DLG2: variants seen among roughly 807,000 people sequenced by gnomAD.
DLG2 encodes discs large MAGUK scaffold protein 2, also known as disks large homolog 2.
DLG2 carries 45 observed loss-of-function variants against 132.5 expected under a neutral mutation model. The observed-to-expected ratio is 0.34, with a 90% CI of 0.27 to 0.44. The LOEUF (loss-of-function observed/expected upper bound fraction) is 0.44. Among genes scored for constraint, DLG2 ranks in the 20% least tolerant of loss-of-function variants. DLG2 has a pLI of 1.00. For synonymous variants in DLG2, 424 were observed against 419.6 expected (o/e 1.01, Z -0.13); for missense variants, 1,045 against 1,196.9 (o/e 0.87, Z 1.87).
At chr11:85,535,071 G>T (rs529353682) in intron 3 of DLG2, among the ~76,000 whole-genome samples, 3 of 152,182 alleles carry the variant, frequency 2.0e-5, no homozygotes, top group African/African-American at 7.2e-5. Flanking sequence ...GTTTTGACTT[G>T]TATTTCTGTG....
chr11:85,307,229 A>G (rs1040448276), intron 3 of DLG2, among the ~76,000 whole-genome samples: 4 of 152,206 alleles, frequency 2.6e-5, no homozygotes, highest in African/African-American at 9.6e-5. Context: ...CACCACCAAA[A>G]ATGGAACGGA....
Position 84,302,622 on chromosome 11 carries a change from G to A in DLG2, c.520-51331C>T, listed in dbSNP as rs149628915. ...ACATTAACTGTAGTTAACTCTAGGT[G>A]GAATTACAGGTGACTTTTAATTTTT... On this transcript the variant is annotated intron_variant, in intron 7 of 27. Coordinates refer to ENST00000376104, the MANE Select transcript of DLG2 (RefSeq NM_001142699.3). Among the ~76,000 whole-genome samples the A allele has an allele frequency of 2.7e-4, 41 of 151,760 alleles. No individual in the cohort carries two copies. The East Asian group carries it at 7.5e-3, about 28-fold the overall frequency.
intron 6 of DLG2, among the ~76,000 whole-genome samples, chr11:84,821,732 C>G (rs1015864607): frequency 6.7e-6 from 1 of 150,306 alleles, no homozygotes; most frequent in Non-Finnish European, 1.5e-5. Context: ...GTAGAAGATT[C>G]TTTGCCACTG....
intron 14 of DLG2, among the ~76,000 whole-genome samples, chr11:83,959,621 A>G (rs1182091329): frequency 6.8e-6 from 1 of 147,934 alleles, no homozygotes; most frequent in Non-Finnish European, 1.5e-5. Flanking sequence ...AAATTAGAAG[A>G]TCCTTTATAG....
chr11:84,840,171 G>A (rs1046812065), intron 6 of DLG2, among the ~76,000 whole-genome samples: 1 of 151,880 alleles, frequency 6.6e-6, no homozygotes, highest in Non-Finnish European at 1.5e-5. Context: ...CATCAAAAAG[G>A]GGGGAAAGGA....
intron 3 of DLG2, among the ~76,000 whole-genome samples, chr11:85,437,529 C>T (rs762363480): frequency 2.0e-5 from 3 of 152,004 alleles, no homozygotes; most frequent in Non-Finnish European, 4.4e-5. Context: ...AAGAGAGAGA[C>T]AAGATAGTGC....
chr11:84,857,923 C>G (rs1157956342), intron 6 of DLG2, among the ~76,000 whole-genome samples: 1 of 151,548 alleles, frequency 6.6e-6, no homozygotes, highest in African/African-American at 2.4e-5. Flanking sequence ...CAAGGTCTCA[C>G]TGTGTGTCAT....
intron 6 of DLG2, among the ~76,000 whole-genome samples, chr11:84,757,415 AACACAC>A (rs374611438): frequency 2.6e-5 from 4 of 151,898 alleles, no homozygotes; most frequent in African/African-American, 9.7e-5. Context: ...TGTAAATTTA[AACACAC>A]ACACACACAT....
At chr11:83,575,102 T>C (rs943010854) in intron 19 of DLG2, among the ~76,000 whole-genome samples, 5 of 152,196 alleles carry the variant, frequency 3.3e-5, no homozygotes, top group African/African-American at 1.2e-4. Flanking sequence ...GTGAGCAGCT[T>C]TCATCTTTAA....
At chr11:84,881,682 T>G (rs2154054716) in intron 6 of DLG2, among the ~76,000 whole-genome samples, 1 of 152,198 alleles carries the variant, frequency 6.6e-6, no homozygotes, top group South Asian at 2.1e-4. Context: ...TTCCAAAAAG[T>G]GCCTAGGGGG....
intron 5 of DLG2, among the ~76,000 whole-genome samples, chr11:85,136,502 T>G (rs1311900600): frequency 1.3e-5 from 2 of 152,148 alleles, no homozygotes; most frequent in African/African-American, 4.8e-5. Context: ...ACAGACACAG[T>G]GCTCAGTTGG....
At chr11:85,596,897 T>C (rs1041033306) in intron 3 of DLG2, among the ~76,000 whole-genome samples, 8 of 152,118 alleles carry the variant, frequency 5.3e-5, no homozygotes, top group African/African-American at 1.9e-4. Flanking sequence ...CAAAAGAAAA[T>C]TATGTTTTGT....
intron 6 of DLG2, among the ~76,000 whole-genome samples, chr11:84,972,312 TA>T (rs112415489): frequency 1.3e-5 from 2 of 151,516 alleles, no homozygotes; most frequent in East Asian, 1.9e-4. Flanking sequence ...GTCTTTCCTA[TA>T]AAAAAAAACT....
At chr11:85,197,507 T>G (rs928989367) in intron 4 of DLG2, among the ~76,000 whole-genome samples, 12 of 152,180 alleles carry the variant, frequency 7.9e-5, no homozygotes, top group African/African-American at 2.9e-4. Flanking sequence ...TGATGATTAT[T>G]TTAGAAAAGC....
intron 6 of DLG2, among the ~76,000 whole-genome samples, chr11:84,936,274 T>C (rs1175191055): frequency 6.6e-6 from 1 of 152,198 alleles, no homozygotes; most frequent in Admixed American, 6.6e-5. Context: ...ATGAGTTTTA[T>C]GAGGATTAAA....
intron 7 of DLG2, among the ~76,000 whole-genome samples, chr11:84,271,513 A>C (rs558206330): frequency 5.3e-5 from 8 of 152,324 alleles, no homozygotes; most frequent in African/African-American, 1.9e-4. Context: ...TTTAATAGAA[A>C]TAATTTTATG....
chr11:84,976,082 T>C (rs1156656034), intron 6 of DLG2, among the ~76,000 whole-genome samples: 1 of 152,160 alleles, frequency 6.6e-6, no homozygotes, highest in Non-Finnish European at 1.5e-5. Context: ...TCTTTCTCTA[T>C]CCTCCCTCCT....
At chr11:83,507,549 T>C (rs2094776427) in intron 21 of DLG2, among the ~76,000 whole-genome samples, 1 of 145,172 alleles carries the variant, frequency 6.9e-6, no homozygotes, top group Non-Finnish European at 1.5e-5. Flanking sequence ...ATCCTAAAGA[T>C]ATATATCCTA....
At chr11:85,252,560 T>C (rs2076451552) in intron 4 of DLG2, among the ~76,000 whole-genome samples, 1 of 152,088 alleles carries the variant, frequency 6.6e-6, no homozygotes. Context: ...CACTCCAACC[T>C]GGGCAACAGA....
Sources: gnomAD v4.1 joint callset for allele counts (sites outside exome capture counted in the v4.1 genomes callset) on GRCh38, gnomAD v4.1.1 for gene constraint, MANE v1.5 for transcripts, NCBI Gene and HGNC (gene_info 2026-07-23, HGNC 2026-07-21) for gene names.